TRIO: variants seen among roughly 807,000 people sequenced by gnomAD.
TRIO encodes trio Rho guanine nucleotide exchange factor.
Under a neutral mutation model 351.9 loss-of-function variants are expected in TRIO, and 58 were observed. The observed-to-expected ratio is 0.16, with a 90% CI of 0.13 to 0.21. The LOEUF is 0.21. Among genes scored for constraint, TRIO ranks in the 10% least tolerant of loss-of-function variants. TRIO has a pLI of 1.00. For synonymous variants in TRIO, 1,758 were observed against 1,595.7 expected, an observed-to-expected ratio of 1.10 and a Z score of -2.42; for missense variants, 3,201 against 4,027.8, an observed-to-expected ratio of 0.79 and a Z score of 5.56.
chr5:14,299,295 C>G, intron 7 of TRIO, among the ~76,000 whole-genome samples: 1 of 152,064 alleles, frequency 6.6e-6, no homozygotes, highest in East Asian at 1.9e-4. Flanking sequence ...AACAGAATTT[C>G]ATGGGACCCT....
intron 37 of TRIO, among the ~76,000 whole-genome samples, chr5:14,469,613 C>T (rs962788934): frequency 1.3e-5 from 2 of 152,242 alleles, no homozygotes; most frequent in African/African-American, 4.8e-5. Flanking sequence ...AGGCTGGTGA[C>T]AGCCTTCTCA....
At position 14,143,569 on chromosome 5, in the gene TRIO, GCCGCCGCCGCCCC is replaced by G; in HGVS notation, c.-148_-136del. 6.2e-6 allele frequency: 1 copy of G among 160,324 alleles called. No homozygotes were observed. Among genetic ancestry groups the G allele is most frequent in the Non-Finnish European group, 1.3e-5 (1 of 77,856 alleles). The allele number at this position is 160,324 out of a possible 1,614,324, so 9.9% of individuals were successfully genotyped here. ...GTGGGCGCGCTCCTTGGGCCGAGCC[GCCGCCGCCGCCCC>G]CCGCCGCCCCGGGGCTCTGCGTCCG... On this transcript the variant is annotated 5_prime_UTR_variant, in exon 1 of 57. The change abolishes the stop of an existing upstream ORF in the 5' untranslated region. Coordinates refer to ENST00000344204, the MANE Select transcript of TRIO (RefSeq NM_007118.4).
At chr5:14,159,808 G>T (rs1303799111) in intron 1 of TRIO, among the ~76,000 whole-genome samples, 1 of 152,008 alleles carries the variant, frequency 6.6e-6, no homozygotes, top group African/African-American at 2.4e-5. Flanking sequence ...TTCCTGATCT[G>T]CCCGCCTCGG....
At chr5:14,207,076 T>A (rs1791501996) in intron 1 of TRIO, among the ~76,000 whole-genome samples, 1 of 152,132 alleles carries the variant, frequency 6.6e-6, no homozygotes, top group African/African-American at 2.4e-5. Flanking sequence ...ATGAACAACA[T>A]AAGAAAAAAG....
chr5:14,248,438 T>C (rs376889674), intron 1 of TRIO, among the ~76,000 whole-genome samples: 1 of 152,194 alleles, frequency 6.6e-6, no homozygotes, highest in Non-Finnish European at 1.5e-5. Context: ...TAAAATAAAG[T>C]GATTTGATCC....
chr5:14,491,197 C>T (rs1243063415), intron 48 of TRIO, among the ~76,000 whole-genome samples: 1 of 152,170 alleles, frequency 6.6e-6, no homozygotes, highest in Non-Finnish European at 1.5e-5. Flanking sequence ...AGGTCTCTTC[C>T]CTCTGGTCCT....
chr5:14,195,866 T>A (rs193090628), intron 1 of TRIO, among the ~76,000 whole-genome samples: 80 of 152,192 alleles, frequency 5.3e-4, no homozygotes, highest in African/African-American at 1.9e-3. Flanking sequence ...CCCTTGCTTA[T>A]TTTTTTTGTC....
chr5:14,503,497 C>T (rs532118939), intron 54 of TRIO, among the ~76,000 whole-genome samples: 15 of 152,252 alleles, frequency 9.9e-5, no homozygotes, highest in Non-Finnish European at 1.9e-4. Flanking sequence ...TCAGCTGGTG[C>T]ACCATGCCCC....
At chr5:14,303,850 A>G (rs1010555737) in intron 7 of TRIO, among the ~76,000 whole-genome samples, 8 of 152,210 alleles carry the variant, frequency 5.3e-5, no homozygotes, top group African/African-American at 1.9e-4. Context: ...AGATTCACAG[A>G]GAAGTTCAGG....
intron 1 of TRIO, among the ~76,000 whole-genome samples, chr5:14,237,016 G>A (rs1793811886): frequency 6.6e-6 from 1 of 152,212 alleles, no homozygotes; most frequent in East Asian, 1.9e-4. Flanking sequence ...GCCGCTGAGA[G>A]AGGAATGGGA....
At chr5:14,428,733 T>A (rs939795612) in intron 34 of TRIO, among the ~76,000 whole-genome samples, 2 of 152,188 alleles carry the variant, frequency 1.3e-5, no homozygotes, top group African/African-American at 4.8e-5. Context: ...CCATATTAGA[T>A]CATCACAAAA....
intron 1 of TRIO, chr5:14,183,887 A>C (rs1300904235): frequency 2.9e-6 from 2 of 690,500 alleles, no homozygotes; most frequent in Non-Finnish European, 2.7e-6. Context: ...TGACTGTTTT[A>C]CTTCGATTTT....
intron 11 of TRIO, among the ~76,000 whole-genome samples, chr5:14,355,617 T>G (rs1298767848): frequency 6.6e-6 from 1 of 152,250 alleles, no homozygotes; most frequent in Non-Finnish European, 1.5e-5. Flanking sequence ...CTTGGCAACT[T>G]GGAATGTTTT....
At position 14,230,340 on chromosome 5, in the gene TRIO, TTGTGTGTGTG is replaced by T. The variant is rs59717445; in HGVS notation, c.158-40459_158-40450del. Reference sequence around the variant, plus strand: ...GAAATTGGAAAGTCAGGCAAGATGTTTGTGTGTGTGTGTGTGTGTGTGTGTGTGTGTGTGT... The same window carrying T: ...GAAATTGGAAAGTCAGGCAAGATGTTTGTGTGTGTGTGTGTGTGTGTGTGT... On this transcript the variant is annotated intron_variant, in intron 1 of 56. Coordinates refer to ENST00000344204, the MANE Select transcript of TRIO (RefSeq NM_007118.4). Among the ~76,000 whole-genome samples, 61 of 149,124 alleles carry T rather than the reference TTGTGTGTGTG, an allele frequency of 4.1e-4. 1 individual carries two copies. Among genetic ancestry groups the T allele is most frequent in the Admixed American group, 9.3e-4 (14 of 15,006 alleles).
At chr5:14,322,017 G>A (rs980262932) in intron 9 of TRIO, among the ~76,000 whole-genome samples, 3 of 151,986 alleles carry the variant, frequency 2.0e-5, no homozygotes, top group African/African-American at 4.8e-5. Context: ...TCTTGGATAC[G>A]TCTTTATTAG....
At chr5:14,396,923 A>G in intron 28 of TRIO, 120 bp from the exon 29 acceptor site, 1 of 758,300 alleles carries the variant, frequency 1.3e-6, no homozygotes, top group Non-Finnish European at 2.2e-6. Flanking sequence ...ACATATGCCC[A>G]GTTGACCACA....
At chr5:14,465,506 C>T in intron 36 of TRIO, 39 bp from the exon 37 acceptor site, 2 of 1,601,772 alleles carry the variant, frequency 1.2e-6, no homozygotes, top group Non-Finnish European at 1.7e-6. Context: ...TAATGTGAGC[C>T]CTTGCCCCAC....
chr5:14,497,867 T>C lies in TRIO; in HGVS notation c.8040T>C (p.Ile2680=). 6.2e-7 allele frequency: 1 copy of C among 1,614,242 alleles called. No homozygotes were observed. The highest frequency in any genetic ancestry group is 2.2e-5 in the East Asian group (1 of 44,884). ...VSVKLLNPNY[I]YDVPPEFVIP... is the part of the protein sequence containing the mutation. ...TTCAGCTTCTCAATCCCAACTACAT[T>C]TATGACGGTGAGTTCTGTTCTTTTT... Residue 2680 remains isoleucine (I), a synonymous_variant, in exon 51 of 57, where the codon ATT becomes ATC. Coordinates refer to ENST00000344204, the MANE Select transcript of TRIO (RefSeq NM_007118.4). The surrounding 1 kb of genome is among the most constrained non-coding windows in gnomAD (Gnocchi z 4.4).
intron 11 of TRIO, among the ~76,000 whole-genome samples, chr5:14,340,605 G>C (rs532363539): frequency 8.5e-5 from 13 of 152,262 alleles, no homozygotes; most frequent in African/African-American, 2.6e-4. Context: ...TGATGAACAA[G>C]TAATACAAAC....
Sources: gnomAD v4.1 joint callset for allele counts (sites outside exome capture counted in the v4.1 genomes callset) on GRCh38, gnomAD v4.1.1 for gene constraint, Gnocchi (gnomAD v3.1) non-coding constraint, MANE v1.5 for transcripts, NCBI Gene and HGNC (gene_info 2026-07-23, HGNC 2026-07-21) for gene names.